CHST11: variants seen among roughly 807,000 people sequenced by gnomAD.
CHST11 encodes C4S-1.
CHST11 carries 9 observed loss-of-function variants against 30.4 expected under a neutral mutation model. The observed-to-expected ratio is 0.30, with a 90% confidence interval of 0.18 to 0.52. The LOEUF (loss-of-function observed/expected upper bound fraction) is 0.52. CHST11 is among the 20% of genes least tolerant of loss of function. The pLI, the probability that CHST11 is intolerant of heterozygous loss-of-function variation, is 0.97. For synonymous variants in CHST11, 152 were observed against 187.8 expected (o/e 0.81, Z 1.56); for missense variants, 348 against 460.6 (o/e 0.76, Z 2.24).
At chr12:104,583,818 G>A (rs998827073) in intron 1 of CHST11, among the ~76,000 whole-genome samples, 15 of 151,768 alleles carry the variant, frequency 9.9e-5, no homozygotes, top group African/African-American at 3.6e-4. Flanking sequence ...GTTCAAGCAA[G>A]TCTCCTGCCT....
intron 2 of CHST11, among the ~76,000 whole-genome samples, chr12:104,652,857 G>A (rs1339033010): frequency 6.6e-6 from 1 of 152,190 alleles, no homozygotes. Flanking sequence ...CAGCGAAGAG[G>A]GAGGCTGCCC....
intron 1 of CHST11, among the ~76,000 whole-genome samples, chr12:104,464,396 G>A (rs2135950093): frequency 6.6e-6 from 1 of 152,226 alleles, no homozygotes; most frequent in African/African-American, 2.4e-5. Context: ...TCTTTGGGCA[G>A]CCGGTAGTGT....
chr12:104,471,333 A>T (rs1479469307), intron 1 of CHST11, among the ~76,000 whole-genome samples: 1 of 152,232 alleles, frequency 6.6e-6, no homozygotes, highest in East Asian at 1.9e-4. Flanking sequence ...ACTGATGGTA[A>T]TTGGTCACTA....
At chr12:104,717,921 G>A (rs1197515433) in intron 2 of CHST11, among the ~76,000 whole-genome samples, 3 of 152,170 alleles carry the variant, frequency 2.0e-5, no homozygotes, top group Non-Finnish European at 4.4e-5. Context: ...CTGCACTCCA[G>A]CCTGGGCGAC....
At chr12:104,615,684 C>T (rs7315089) in intron 2 of CHST11, among the ~76,000 whole-genome samples, 31,247 of 152,020 alleles carry the variant, frequency 0.21, 3,636 homozygotes, top group Middle Eastern at 0.27. Context: ...TCCAGCACTT[C>T]GGGAGGCTGA....
chr12:104,584,873 G>T (rs778668090), intron 1 of CHST11, among the ~76,000 whole-genome samples: 1 of 152,092 alleles, frequency 6.6e-6, no homozygotes. Context: ...TTAATCCCTC[G>T]GTGTAATTTC....
At chr12:104,732,389 G>A (rs951008626) in intron 2 of CHST11, among the ~76,000 whole-genome samples, 2 of 152,194 alleles carry the variant, frequency 1.3e-5, no homozygotes, top group South Asian at 2.1e-4. Context: ...GCTAGACTCA[G>A]TGGCTGGTTT....
chr12:104,601,557 G>T (rs2038957070), intron 1 of CHST11, among the ~76,000 whole-genome samples: 1 of 152,212 alleles, frequency 6.6e-6, no homozygotes, highest in African/African-American at 2.4e-5. Context: ...GTGTTACCAA[G>T]CCTGCTGCTG....
chr12:104,694,825 T>C (rs2039929704), intron 2 of CHST11, among the ~76,000 whole-genome samples: 1 of 152,230 alleles, frequency 6.6e-6, no homozygotes, highest in African/African-American at 2.4e-5. Flanking sequence ...CAGAACTTTA[T>C]GCCTGCTCTG....
intron 2 of CHST11, among the ~76,000 whole-genome samples, chr12:104,608,716 G>A (rs776084739): frequency 3.3e-5 from 5 of 152,186 alleles, no homozygotes; most frequent in Admixed American, 6.5e-5. Flanking sequence ...ACATGCTGAG[G>A]TTGTTCACTC....
At chr12:104,514,825 A>G (rs1033749790) in intron 1 of CHST11, among the ~76,000 whole-genome samples, 2 of 152,192 alleles carry the variant, frequency 1.3e-5, no homozygotes, top group African/African-American at 4.8e-5. Flanking sequence ...CATGTCCAAC[A>G]TTGGTGATCA....
intron 1 of CHST11, among the ~76,000 whole-genome samples, chr12:104,546,402 A>G (rs2038349393): frequency 6.6e-6 from 1 of 151,362 alleles, no homozygotes; most frequent in African/African-American, 2.4e-5. Context: ...CAGGAGCTCA[A>G]GGTTGCAGTG....
chr12:104,479,171 G>C (rs1011684533), intron 1 of CHST11, among the ~76,000 whole-genome samples: 5 of 151,120 alleles, frequency 3.3e-5, no homozygotes, highest in Admixed American at 2.0e-4. Flanking sequence ...AAAAAAAAGG[G>C]CCCCCCCTTT....
At chr12:104,755,630 A>G (rs2040468838) in intron 2 of CHST11, among the ~76,000 whole-genome samples, 1 of 152,146 alleles carries the variant, frequency 6.6e-6, no homozygotes, top group African/African-American at 2.4e-5. Context: ...TACTAAAAAT[A>G]CAAAAATCAG....
chr12:104,514,493 T>C, intron 1 of CHST11: 1 of 690,776 alleles, frequency 1.4e-6, no homozygotes, highest in East Asian at 2.6e-5. Flanking sequence ...ATACCATTAC[T>C]GGTGCTGGGA....
rs986989478 is a variant in CHST11, at chr12:104,761,053, T to G, written c.*3250T>G. The G allele has an allele frequency of 1.3e-5, 2 of 152,278 alleles. No individual in the cohort carries two copies. Among genetic ancestry groups the G allele is most frequent in the Admixed American group, 1.3e-4 (2 of 15,286 alleles). 9.4% of individuals were successfully genotyped at this position (152,278 alleles called of 1,614,324 possible). ...AGGGCAGTATTTGCAAGGACATTCCTGCTTACTTTATCCCTTTGGTTGGAA... is the reference window on the plus strand; with the variant it reads ...AGGGCAGTATTTGCAAGGACATTCCGGCTTACTTTATCCCTTTGGTTGGAA... On this transcript the variant is annotated 3_prime_UTR_variant, in exon 3 of 3. Coordinates refer to ENST00000303694, the MANE Select transcript of CHST11 (RefSeq NM_018413.6).
intron 1 of CHST11, among the ~76,000 whole-genome samples, chr12:104,568,590 G>A (rs557408965): frequency 6.6e-6 from 1 of 152,160 alleles, no homozygotes; most frequent in African/African-American, 2.4e-5. Flanking sequence ...GGGAGCTGCT[G>A]ATGGGACCTC....
intron 1 of CHST11, among the ~76,000 whole-genome samples, chr12:104,583,038 C>G (rs769545234): frequency 6.6e-6 from 1 of 152,030 alleles, no homozygotes; most frequent in Non-Finnish European, 1.5e-5. Flanking sequence ...CACAAATAGA[C>G]CTGCCTGGCC....
chr12:104,736,006 G>A (rs574330148), intron 2 of CHST11, among the ~76,000 whole-genome samples: 1 of 152,248 alleles, frequency 6.6e-6, no homozygotes, highest in Admixed American at 6.5e-5. Context: ...TGGGGAGTGG[G>A]TGCCTAGGTA....
Sources: allele counts gnomAD v4.1 joint callset (sites outside exome capture counted in the v4.1 genomes callset), GRCh38; gene constraint gnomAD v4.1.1; transcripts MANE v1.5; gene names NCBI Gene and HGNC (gene_info 2026-07-23, HGNC 2026-07-21).